The following LDAH variants were observed in gnomAD, a reference collection of about 807,000 sequenced individuals.
LDAH encodes lipid droplet associated hydrolase.
A neutral mutation model predicts 29.6 loss-of-function variants in LDAH; 26 were observed. The observed-to-expected ratio is 0.88, with a 90% CI of 0.64 to 1.22. The LOEUF is 1.22. LDAH is among the 50% of genes most tolerant of loss of function. The pLI is 0.00. For missense variants in LDAH, 344 were observed against 387.3 expected, an observed-to-expected ratio of 0.89 and a Z score of 0.94; for synonymous variants, 117 against 133.0, an observed-to-expected ratio of 0.88 and a Z score of 0.83.
chr2:20,793,850 G>A (rs1299119831), intron 2 of LDAH, among the ~76,000 whole-genome samples: 1 of 152,182 alleles, frequency 6.6e-6, no homozygotes, highest in South Asian at 2.1e-4. Context: ...AAATTGATTG[G>A]ATTAATTAGA....
intron 4 of LDAH, among the ~76,000 whole-genome samples, chr2:20,743,944 A>T (rs1204246596): frequency 6.6e-6 from 1 of 151,128 alleles, no homozygotes; most frequent in Non-Finnish European, 1.5e-5. Flanking sequence ...ATGTTGAGAC[A>T]TTCTCAGGCT....
intron 3 of LDAH, among the ~76,000 whole-genome samples, chr2:20,786,615 T>G (rs1670573742): frequency 6.6e-6 from 1 of 152,222 alleles, no homozygotes; most frequent in Non-Finnish European, 1.5e-5. Context: ...ATAGAGTTTG[T>G]GTCTTGTAGC....
chr2:20,729,275 A>C (rs1350685881), intron 5 of LDAH, among the ~76,000 whole-genome samples: 1 of 152,226 alleles, frequency 6.6e-6, no homozygotes, highest in Non-Finnish European at 1.5e-5. Flanking sequence ...CTGATGCAGA[A>C]AAAGTGGAAA....
intron 5 of LDAH, among the ~76,000 whole-genome samples, chr2:20,732,521 CT>C (rs1352147037): frequency 6.6e-6 from 1 of 152,000 alleles, no homozygotes; most frequent in East Asian, 1.9e-4. Flanking sequence ...CTCTAAATGT[CT>C]TTTTTTGGAA....
chr2:20,760,411 G>A (rs750032044), intron 4 of LDAH, among the ~76,000 whole-genome samples: 2 of 152,120 alleles, frequency 1.3e-5, no homozygotes, highest in South Asian at 2.1e-4. Context: ...AGAACAATAC[G>A]AACTTGATAT....
chr2:20,718,238 C>T (rs1193522658), intron 5 of LDAH, among the ~76,000 whole-genome samples: 1 of 152,040 alleles, frequency 6.6e-6, no homozygotes, highest in Non-Finnish European at 1.5e-5. Context: ...GATTAAAAAA[C>T]AAGACCCAAA....
chr2:20,806,306 T>A (rs1213685199), intron 1 of LDAH, among the ~76,000 whole-genome samples: 1 of 152,128 alleles, frequency 6.6e-6, no homozygotes. Context: ...ATAATAATAT[T>A]AAATGTGGAC....
intron 4 of LDAH, among the ~76,000 whole-genome samples, chr2:20,772,760 G>C (rs1239103807): frequency 1.3e-5 from 2 of 152,196 alleles, no homozygotes; most frequent in Non-Finnish European, 2.9e-5. Flanking sequence ...CAGCTAGACA[G>C]GCCGACACGT....
intron 5 of LDAH, among the ~76,000 whole-genome samples, chr2:20,707,889 C>T (rs1487224061): frequency 3.3e-5 from 5 of 152,266 alleles, no homozygotes; most frequent in South Asian, 2.1e-4. Context: ...TAAGCTCCAC[C>T]GCCTGTCAGA....
intron 3 of LDAH, among the ~76,000 whole-genome samples, chr2:20,782,700 G>A (rs912568107): frequency 1.3e-5 from 2 of 151,970 alleles, no homozygotes; most frequent in Admixed American, 6.6e-5. Flanking sequence ...TGTAATTTGC[G>A]TCTTCTCTTT....
intron 6 of LDAH, among the ~76,000 whole-genome samples, chr2:20,688,271 G>A (rs1662713219): frequency 6.6e-6 from 1 of 152,204 alleles, no homozygotes; most frequent in South Asian, 2.1e-4. Flanking sequence ...GCAGCACACT[G>A]TGGGGAGAAG....
At chr2:20,732,343 TTTC>T (rs1185570523) in intron 5 of LDAH, among the ~76,000 whole-genome samples, 6 of 152,122 alleles carry the variant, frequency 3.9e-5, no homozygotes, top group Non-Finnish European at 8.8e-5. Context: ...TGGCCTGTAG[TTTC>T]TTCTTTTTTT....
intron 5 of LDAH, among the ~76,000 whole-genome samples, chr2:20,738,663 C>A (rs145833085): frequency 3.3e-5 from 5 of 152,220 alleles, no homozygotes; most frequent in South Asian, 2.1e-4. Context: ...TATGACTGTC[C>A]TTAGCCCTTG....
intron 5 of LDAH, among the ~76,000 whole-genome samples, chr2:20,723,991 CAA>C (rs2149404006): frequency 6.6e-6 from 1 of 152,178 alleles, no homozygotes; most frequent in South Asian, 2.1e-4. Flanking sequence ...GCTTAATGTC[CAA>C]AAATTACTAT....
chr2:20,685,757 C>T lies in LDAH; in HGVS notation c.*1146G>A, dbSNP rs1261151168. On this transcript the variant is annotated 3_prime_UTR_variant, in exon 7 of 7. Transcript: ENST00000237822. ...TTAGGGGAGGCAGCAATATTGTCAG[C>T]CCACTCTAGGCCAGGGAATATGTGT... The T allele has an allele frequency of 3.6e-6, 5 of 1,404,550 alleles. No homozygotes were observed. The highest frequency in any genetic ancestry group is 2.2e-5 in the Admixed American group (1 of 45,582). 87.0% of individuals were successfully genotyped at this position (1,404,550 alleles called of 1,614,324 possible). A position where few individuals can be genotyped will look rare whatever the true frequency, so the allele number is the denominator to read the frequency against.
intron 1 of LDAH, among the ~76,000 whole-genome samples, chr2:20,809,397 C>CA (rs929657671): frequency 1.3e-4 from 19 of 149,468 alleles, no homozygotes; most frequent in South Asian, 8.5e-4. Context: ...GAGTTCATCT[C>CA]AAAAAAAAAG....
At chr2:20,716,762 T>C (rs1471453347) in intron 5 of LDAH, among the ~76,000 whole-genome samples, 1 of 125,024 alleles carries the variant, frequency 8.0e-6, no homozygotes, top group Non-Finnish European at 1.8e-5. Flanking sequence ...AGAAGCACCC[T>C]GGCTGACAGC....
chr2:20,799,309 T>C (rs1241044596), intron 2 of LDAH, among the ~76,000 whole-genome samples: 2 of 152,212 alleles, frequency 1.3e-5, no homozygotes. Context: ...TCTGAGAACA[T>C]CTGTTGGAAC....
At chr2:20,755,316 A>C (rs1668267368) in intron 4 of LDAH, among the ~76,000 whole-genome samples, 1 of 152,186 alleles carries the variant, frequency 6.6e-6, no homozygotes, top group South Asian at 2.1e-4. Context: ...AATCACTTGC[A>C]GTCCACCACT....
Sources: gnomAD v4.1 joint callset for allele counts (sites outside exome capture counted in the v4.1 genomes callset) on GRCh38, gnomAD v4.1.1 for gene constraint, MANE v1.5 for transcripts, NCBI Gene and HGNC (gene_info 2026-07-23, HGNC 2026-07-21) for gene names.